FRMD5: variants seen among roughly 807,000 people sequenced by gnomAD.
FRMD5 encodes FERM domain-containing protein 5.
Under a neutral mutation model 69.0 loss-of-function variants are expected in FRMD5, and 20 were observed. That is an observed-to-expected ratio of 0.29 (90% confidence interval 0.20 to 0.42). FRMD5 has a LOEUF of 0.42. Among genes scored for constraint, FRMD5 ranks in the 10% least tolerant of loss-of-function variants. The pLI is 1.00. For missense variants in FRMD5, 595 were observed against 708.6 expected (o/e 0.84, Z 1.82); for synonymous variants, 271 against 260.1 (o/e 1.04, Z -0.40).
rs527901873 is a variant in FRMD5, at chr15:44,177,157, C to T, written c.102+17796G>A. Among the ~76,000 whole-genome samples, 4 of 152,206 alleles carry T rather than the reference C, an allele frequency of 2.6e-5. No individual in the cohort carries two copies. The South Asian group carries it at 8.3e-4, about 32-fold the overall frequency. The stretch of plus-strand genomic sequence containing the variant: ...GAATTACCACACAATCCAGCAATTC[C>T]ACTCTTAGGTATCCATCCAAAAGAA... On this transcript the variant is annotated intron_variant, in intron 1 of 13. Coordinates refer to ENST00000417257, the MANE Select transcript of FRMD5 (RefSeq NM_032892.5).
intron 1 of FRMD5, among the ~76,000 whole-genome samples, chr15:43,937,189 A>G (rs905663201): frequency 6.6e-6 from 1 of 152,218 alleles, no homozygotes; most frequent in African/African-American, 2.4e-5. Context: ...TCTTTCTAAA[A>G]TACATCCTGA....
chr15:43,892,134 G>T, intron 7 of FRMD5, 65 bp from the exon 8 acceptor site: 2 of 1,393,742 alleles, frequency 1.4e-6, no homozygotes, highest in Non-Finnish European at 2.0e-6. Flanking sequence ...AAGAAACACA[G>T]CTGTTCATAG....
At chr15:43,944,896 C>G (rs2089918768) in intron 1 of FRMD5, among the ~76,000 whole-genome samples, 1 of 152,028 alleles carries the variant, frequency 6.6e-6, no homozygotes, top group Non-Finnish European at 1.5e-5. Context: ...GTGGCTATCC[C>G]AAGCTGTGGC....
intron 1 of FRMD5, among the ~76,000 whole-genome samples, chr15:44,185,315 A>C (rs1419774810): frequency 6.6e-6 from 1 of 152,188 alleles, no homozygotes; most frequent in Non-Finnish European, 1.5e-5. Context: ...ATTTCTTTTG[A>C]TAGTATAACT....
chr15:43,997,877 T>C lies in FRMD5; in HGVS notation c.103-73568A>G, dbSNP rs1890009141. 2.6e-5 allele frequency among the ~76,000 whole-genome samples: 4 copies of C among 152,164 alleles called. No homozygotes were observed. In the South Asian group the frequency reaches 8.3e-4, roughly 31 times the overall value. On this transcript the variant is annotated intron_variant, in intron 1 of 13. Coordinates refer to ENST00000417257, the MANE Select transcript of FRMD5 (RefSeq NM_032892.5). ...ATAATGACAACAAAAATATATGTTC[T>C]TCAATGTTCATGACATTGAGATCTC...
chr15:44,183,501 A>T (rs1262986112), intron 1 of FRMD5, among the ~76,000 whole-genome samples: 1 of 152,196 alleles, frequency 6.6e-6, no homozygotes, highest in Non-Finnish European at 1.5e-5. Flanking sequence ...CTAAATAGTT[A>T]GTGGCCCGTC....
chr15:44,107,570 T>C (rs975105322), intron 1 of FRMD5, among the ~76,000 whole-genome samples: 4 of 152,166 alleles, frequency 2.6e-5, no homozygotes, highest in Non-Finnish European at 4.4e-5. Flanking sequence ...CGAAAAATGC[T>C]GCTCAAAGGT....
At chr15:44,089,302 T>A (rs1212707716) in intron 1 of FRMD5, among the ~76,000 whole-genome samples, 3 of 152,170 alleles carry the variant, frequency 2.0e-5, no homozygotes, top group Non-Finnish European at 1.5e-5. Flanking sequence ...AAACACCACA[T>A]AAAACTATTA....
At chr15:43,963,894 C>T (rs2090247795) in intron 1 of FRMD5, among the ~76,000 whole-genome samples, 1 of 151,882 alleles carries the variant, frequency 6.6e-6, no homozygotes, top group South Asian at 2.1e-4. Flanking sequence ...CATCACACAC[C>T]AGGGACTGTT....
intron 4 of FRMD5, among the ~76,000 whole-genome samples, chr15:43,912,570 A>G (rs1007721667): frequency 6.6e-6 from 1 of 151,996 alleles, no homozygotes; most frequent in Non-Finnish European, 1.5e-5. Flanking sequence ...GTCTGTGTCC[A>G]AAATTCAGGG....
chr15:44,183,381 T>C (rs1309322147), intron 1 of FRMD5, among the ~76,000 whole-genome samples: 1 of 152,066 alleles, frequency 6.6e-6, no homozygotes, highest in Non-Finnish European at 1.5e-5. Flanking sequence ...GGGAAACATG[T>C]GAAAGATGTG....
chr15:44,067,013 A>T (rs1273018594), intron 1 of FRMD5, among the ~76,000 whole-genome samples: 1 of 152,104 alleles, frequency 6.6e-6, no homozygotes, highest in African/African-American at 2.4e-5. Context: ...AAGATCAATC[A>T]CTGAATTAAA....
intron 1 of FRMD5, among the ~76,000 whole-genome samples, chr15:43,972,534 T>C (rs2090397082): frequency 6.6e-6 from 1 of 152,110 alleles, no homozygotes; most frequent in South Asian, 2.1e-4. Context: ...GGGTGAACTA[T>C]AAAAAGGTAC....
At chr15:44,079,486 A>G (rs1010292855) in intron 1 of FRMD5, among the ~76,000 whole-genome samples, 1 of 152,062 alleles carries the variant, frequency 6.6e-6, no homozygotes, top group African/African-American at 2.4e-5. Context: ...CATTGGAGCC[A>G]AGGAGTTCAA....
At chr15:44,063,552 T>C in intron 1 of FRMD5, 4 of 513,226 alleles carry the variant, frequency 7.8e-6, no homozygotes, top group Middle Eastern at 6.4e-4. Context: ...TTAGTTGTAC[T>C]GGTCACCTGG....
At position 43,877,672 on chromosome 15, in the gene FRMD5, A is replaced by AGAAGCTCCTCATAGTCTTAGCTGTATT. The variant is rs1356221714; in HGVS notation, c.1136-3237_1136-3211dup. Among the ~76,000 whole-genome samples, 4 of 152,378 alleles carry AGAAGCTCCTCATAGTCTTAGCTGTATT rather than the reference A, an allele frequency of 2.6e-5. No homozygotes were observed. In the South Asian group the frequency reaches 8.3e-4, roughly 32 times the overall value. On this transcript the variant is annotated intron_variant, in intron 13 of 13. Transcript: ENST00000417257. ...GCCACAGCTCTCAATCTCTGCTTTC[A>AGAAGCTCCTCATAGTCTTAGCTGTATT]GAAGCTCCTCATAGTCTTAGCTGTA...
intron 1 of FRMD5, among the ~76,000 whole-genome samples, chr15:44,027,639 GTTTTTTTTTTTGTTT>G (rs1294249548): frequency 2.6e-4 from 7 of 27,048 alleles, no homozygotes; most frequent in African/African-American, 4.0e-4. Context: ...TTCTTTTCTA[GTTTTTTTTTTTGTTT>G]TTTTTTTTTT....
intron 1 of FRMD5, among the ~76,000 whole-genome samples, chr15:44,106,664 A>G (rs986752828): frequency 6.6e-6 from 1 of 151,746 alleles, no homozygotes; most frequent in African/African-American, 2.4e-5. Context: ...TTCCCTCTGG[A>G]CTCCCGTGGT....
chr15:43,883,661 C>T (rs2088591156), intron 13 of FRMD5, 42 bp downstream of exon 13: 1 of 1,425,704 alleles, frequency 7.0e-7, no homozygotes, highest in Admixed American at 2.1e-5. Context: ...CAGATCACAA[C>T]TTGGAGGACC....
Sources: allele counts gnomAD v4.1 joint callset (sites outside exome capture counted in the v4.1 genomes callset), GRCh38; gene constraint gnomAD v4.1.1; transcripts MANE v1.5; gene names NCBI Gene and HGNC (gene_info 2026-07-23, HGNC 2026-07-21).